Variants in AFF3 observed in about 807,000 individuals in gnomAD.
AFF3 encodes AF4/FMR2 family member 3.
Under a neutral mutation model 129.7 loss-of-function variants are expected in AFF3, and 32 were observed. That is an observed-to-expected ratio of 0.25 (90% confidence interval 0.19 to 0.33). The LOEUF (loss-of-function observed/expected upper bound fraction) is 0.33, where lower values mean the gene tolerates loss of function less well. Among genes scored for constraint, AFF3 ranks in the 10% least tolerant of loss-of-function variants. AFF3 has a pLI of 1.00. For synonymous variants in AFF3, 644 were observed against 635.4 expected, an observed-to-expected ratio of 1.01 and a Z score of -0.20; for missense variants, 1,373 against 1,592.0, an observed-to-expected ratio of 0.86 and a Z score of 2.34.
chr2:99,596,717 C>T (rs1235494212), intron 14 of AFF3, among the ~76,000 whole-genome samples: 1 of 152,220 alleles, frequency 6.6e-6, no homozygotes, highest in Non-Finnish European at 1.5e-5. Flanking sequence ...AACACAGCTG[C>T]ACACAGGAAA....
chr2:100,074,701 T>C (rs1330087307), intron 4 of AFF3, among the ~76,000 whole-genome samples: 1 of 152,156 alleles, frequency 6.6e-6, no homozygotes, highest in Admixed American at 6.5e-5. Context: ...CGGTACACAA[T>C]AGGCAAAGTG....
intron 20 of AFF3, among the ~76,000 whole-genome samples, chr2:99,562,170 T>G (rs1040099673): frequency 6.6e-6 from 1 of 152,242 alleles, no homozygotes; most frequent in Non-Finnish European, 1.5e-5. Context: ...ATTTAGGTTT[T>G]TCTCTGCTTC....
At chr2:99,903,230 G>C (rs1694477871) in intron 7 of AFF3, among the ~76,000 whole-genome samples, 1 of 152,152 alleles carries the variant, frequency 6.6e-6, no homozygotes, top group African/African-American at 2.4e-5. Flanking sequence ...ACACGTAATA[G>C]ATTGTAAGAC....
rs1182305316 is a variant in AFF3 at position 99,672,521 on chromosome 2, A to T, written c.1143+17T>A. 1 of 1,612,894 alleles carries T rather than the reference A, an allele frequency of 6.2e-7. No homozygotes were observed. Among genetic ancestry groups the T allele is most frequent in the Non-Finnish European group, 8.5e-7 (1 of 1,179,050 alleles). ...AGTGTCACCTCCAAAGGATGATGACATAAAAGAGAATCTTACCTGTTCATT... is the reference window on the plus strand; with the variant it reads ...AGTGTCACCTCCAAAGGATGATGACTTAAAAGAGAATCTTACCTGTTCATT... On this transcript the variant is annotated intron_variant, in intron 12 of 24. Coordinates refer to ENST00000672756, the MANE Select transcript of AFF3 (RefSeq NM_001386135.1).
Position 99,999,555 on chromosome 2 carries a change from A to G in AFF3, c.873+7077T>C, listed in dbSNP as rs1681188648. On this transcript the variant is annotated intron_variant, in intron 7 of 24. Transcript: ENST00000672756. ...AGTGAAATTCATCCACCTCTCTTCA[A>G]TTTCTACATTCAGAGCTGTCAACCC... Among the ~76,000 whole-genome samples, 5 of 152,158 alleles carry G rather than the reference A, an allele frequency of 3.3e-5. 1 individual carries two copies. The South Asian group carries it at 1.0e-3, about 32-fold the overall frequency.
chr2:99,920,660 A>G (rs1020766891), intron 7 of AFF3, among the ~76,000 whole-genome samples: 1 of 152,000 alleles, frequency 6.6e-6, no homozygotes, highest in African/African-American at 2.4e-5. Context: ...CACTCTCACT[A>G]TCTTTATTCA....
chr2:99,568,844 G>C lies in AFF3; in HGVS notation c.2982+8C>G. 1 of 1,613,716 alleles carries C rather than the reference G, an allele frequency of 6.2e-7. No individual in the cohort carries two copies. The highest frequency in any genetic ancestry group is 8.5e-7 in the Non-Finnish European group (1 of 1,179,676). ...GGAAGAACGTATCTGGAAAGAAAAG[G>C]GTCTCACCATTGCATCTGCTTTATG... is the stretch of plus-strand genomic sequence containing the variant. On this transcript the variant is annotated splice_region_variant and intron_variant, in intron 19 of 24. Transcript: ENST00000672756.
intron 7 of AFF3, among the ~76,000 whole-genome samples, chr2:99,888,852 A>C (rs1184159487): frequency 1.3e-5 from 2 of 152,150 alleles, no homozygotes; most frequent in African/African-American, 4.8e-5. Flanking sequence ...ACACTTAATC[A>C]ATAGCAGTCA....
chr2:100,029,540 T>G (rs953044116), intron 4 of AFF3, among the ~76,000 whole-genome samples: 1 of 152,146 alleles, frequency 6.6e-6, no homozygotes, highest in Non-Finnish European at 1.5e-5. Flanking sequence ...GATATGATGC[T>G]GAGTGAAATA....
intron 4 of AFF3, among the ~76,000 whole-genome samples, chr2:100,059,937 T>C (rs1397044740): frequency 2.0e-5 from 3 of 152,090 alleles, no homozygotes; most frequent in Non-Finnish European, 4.4e-5. Flanking sequence ...ATGATGCGTG[T>C]CTTTAAGATC....
At chr2:100,111,255 A>G (rs1349299924) in intron 2 of AFF3, among the ~76,000 whole-genome samples, 1 of 152,238 alleles carries the variant, frequency 6.6e-6, no homozygotes, top group Non-Finnish European at 1.5e-5. Context: ...TGTGCCCCGC[A>G]CATTGCCGTG....
At chr2:99,922,070 G>A (rs191389737) in intron 7 of AFF3, among the ~76,000 whole-genome samples, 1 of 152,292 alleles carries the variant, frequency 6.6e-6, no homozygotes, top group East Asian at 1.9e-4. Flanking sequence ...AACTGTTGAT[G>A]AGGATATGGA....
chr2:99,910,159 G>A (rs1019027086), intron 7 of AFF3, among the ~76,000 whole-genome samples: 43 of 152,068 alleles, frequency 2.8e-4, no homozygotes, highest in African/African-American at 1.0e-3. Flanking sequence ...GAGACTATTC[G>A]CTAAATATTA....
chr2:99,844,608 T>C (rs1326561166), intron 7 of AFF3, among the ~76,000 whole-genome samples: 1 of 151,844 alleles, frequency 6.6e-6, no homozygotes, highest in African/African-American at 2.4e-5. Flanking sequence ...CTAATTTTTG[T>C]ATTTTTAGTA....
At chr2:99,824,253 T>C (rs1687911706) in intron 8 of AFF3, among the ~76,000 whole-genome samples, 1 of 151,976 alleles carries the variant, frequency 6.6e-6, no homozygotes, top group Admixed American at 6.6e-5. Context: ...GTAGCTGGGA[T>C]TACAGGCATG....
At chr2:100,025,507 T>C (rs182877744) in intron 4 of AFF3, among the ~76,000 whole-genome samples, 1 of 151,914 alleles carries the variant, frequency 6.6e-6, no homozygotes, top group East Asian at 1.9e-4. Flanking sequence ...GCAATCCCCA[T>C]CAAAATACCA....
At position 99,679,835 on chromosome 2, in the gene AFF3, C is replaced by T. The variant is rs1392157324; in HGVS notation, c.1092-7246G>A. On this transcript the variant is annotated intron_variant, in intron 11 of 24. Coordinates refer to ENST00000672756, the MANE Select transcript of AFF3 (RefSeq NM_001386135.1). ...GTTGGATAAAACAACCACTATATAT[C>T]CTCTTATTGGTCTGAATTCCTTGGT... is the stretch of plus-strand genomic sequence containing the variant. Among the ~76,000 whole-genome samples the T allele has an allele frequency of 2.0e-5, 3 of 152,178 alleles. No homozygotes were observed. The East Asian group carries it at 5.8e-4, about 29-fold the overall frequency.
rs553415496 is a variant in AFF3, at chr2:99,709,202, C to A, written c.1091+17875G>T. 4.6e-5 allele frequency among the ~76,000 whole-genome samples: 7 copies of A among 152,228 alleles called. No homozygotes were observed. In the East Asian group the frequency reaches 9.7e-4, roughly 21 times the overall value. On this transcript the variant is annotated intron_variant, in intron 11 of 24. Coordinates refer to ENST00000672756, the MANE Select transcript of AFF3 (RefSeq NM_001386135.1). ...CCCAGGAGTTCAAGGCCAGCCCAGG[C>A]AAATAGGGAGATCTCTTTTTTGAAA...
chr2:100,113,910 TGGG>T (rs1691624393), intron 2 of AFF3, among the ~76,000 whole-genome samples: 1 of 149,176 alleles, frequency 6.7e-6, no homozygotes, highest in Non-Finnish European at 1.5e-5. Flanking sequence ...GTAGGTCAAA[TGGG>T]GGTTAGGGGA....
Sources: gnomAD v4.1 joint callset for allele counts (sites outside exome capture counted in the v4.1 genomes callset) on GRCh38, gnomAD v4.1.1 for gene constraint, MANE v1.5 for transcripts, NCBI Gene and HGNC (gene_info 2026-07-23, HGNC 2026-07-21) for gene names.